The following C8orf34 variants were observed in gnomAD, a reference collection of about 807,000 sequenced individuals.
C8orf34 encodes the protein chromosome 8 open reading frame 34.
Under a neutral mutation model 68.3 loss-of-function variants are expected in C8orf34, and 65 were observed. The observed-to-expected ratio is 0.95, with a 90% confidence interval of 0.78 to 1.17. The LOEUF is 1.17. Ranked by LOEUF, C8orf34 falls within the 50% of genes most tolerant of loss-of-function variation. The pLI is 0.00. For missense variants in C8orf34, 664 were observed against 655.4 expected (o/e 1.01, Z -0.14); for synonymous variants, 244 against 241.2 (o/e 1.01, Z -0.11).
chr8:68,770,445 G>A (rs1354455488), intron 10 of C8orf34, among the ~76,000 whole-genome samples: 1 of 152,182 alleles, frequency 6.6e-6, no homozygotes, highest in African/African-American at 2.4e-5. Flanking sequence ...AATGGTAAAT[G>A]GATCTTTCTA....
intron 7 of C8orf34, among the ~76,000 whole-genome samples, chr8:68,550,573 C>CTT (rs1816031763): frequency 6.6e-6 from 1 of 151,690 alleles, no homozygotes; most frequent in Admixed American, 6.6e-5. Context: ...CTCATTTTTT[C>CTT]TTTATACAGA....
chr8:68,718,680 CTG>C (rs1336511657), intron 9 of C8orf34, among the ~76,000 whole-genome samples: 1 of 152,094 alleles, frequency 6.6e-6, no homozygotes, highest in Non-Finnish European at 1.5e-5. Flanking sequence ...ATTGGTATAA[CTG>C]TGCATAAAAA....
chr8:68,568,097 G>A (rs1459001934), intron 7 of C8orf34, among the ~76,000 whole-genome samples: 1 of 152,000 alleles, frequency 6.6e-6, no homozygotes, highest in African/African-American at 2.4e-5. Context: ...AACATTTATT[G>A]GTTAAGTTCA....
chr8:68,659,399 G>A (rs1167341215), intron 8 of C8orf34, among the ~76,000 whole-genome samples: 1 of 152,154 alleles, frequency 6.6e-6, no homozygotes, highest in Non-Finnish European at 1.5e-5. Context: ...TTAATAGGTT[G>A]TGGTGTTTTT....
chr8:68,619,379 T>G (rs1175827765), intron 7 of C8orf34, among the ~76,000 whole-genome samples: 1 of 152,086 alleles, frequency 6.6e-6, no homozygotes, highest in East Asian at 1.9e-4. Flanking sequence ...TATTGGCAGA[T>G]AAATCATGAG....
chr8:68,735,168 A>G (rs1822088954), intron 10 of C8orf34, among the ~76,000 whole-genome samples: 1 of 152,168 alleles, frequency 6.6e-6, no homozygotes, highest in South Asian at 2.1e-4. Context: ...TGGGGCACTA[A>G]TGGGATTCAA....
chr8:68,690,897 G>A (rs1352133466), intron 8 of C8orf34, among the ~76,000 whole-genome samples: 1 of 152,060 alleles, frequency 6.6e-6, no homozygotes, highest in African/African-American at 2.4e-5. Flanking sequence ...AGGCCTGTTT[G>A]TATAGAACTC....
At chr8:68,745,422 T>C (rs1822455544) in intron 10 of C8orf34, among the ~76,000 whole-genome samples, 2 of 152,136 alleles carry the variant, frequency 1.3e-5, no homozygotes, top group Non-Finnish European at 2.9e-5. Flanking sequence ...ATGCTCCAAT[T>C]AAAAGACACA....
intron 13 of C8orf34, among the ~76,000 whole-genome samples, chr8:68,817,728 A>AGTTACCCT (rs1391252745): frequency 1.6e-4 from 25 of 152,200 alleles, no homozygotes; most frequent in Non-Finnish European, 3.7e-4. Flanking sequence ...TACAAAGAAA[A>AGTTACCCT]GAGGTTTAAG....
At chr8:68,454,690 G>T (rs191095399) in intron 3 of C8orf34, among the ~76,000 whole-genome samples, 1 of 151,920 alleles carries the variant, frequency 6.6e-6, no homozygotes, top group African/African-American at 2.4e-5. Flanking sequence ...TCTTTCTAAA[G>T]AACCAACTTT....
intron 1 of C8orf34, among the ~76,000 whole-genome samples, chr8:68,361,670 C>A (rs1289138295): frequency 6.6e-6 from 1 of 152,212 alleles, no homozygotes; most frequent in East Asian, 1.9e-4. Flanking sequence ...TACTTAACTA[C>A]TTTCTGGGTT....
At chr8:68,404,999 G>T (rs563444145) in intron 1 of C8orf34, among the ~76,000 whole-genome samples, 5 of 152,258 alleles carry the variant, frequency 3.3e-5, no homozygotes, top group African/African-American at 1.2e-4. Context: ...CTATCCATGA[G>T]CGTGTAATGT....
chr8:68,387,570 TAG>T (rs1808311967), intron 1 of C8orf34, among the ~76,000 whole-genome samples: 2 of 152,214 alleles, frequency 1.3e-5, no homozygotes, highest in South Asian at 4.2e-4. Flanking sequence ...GAGAGGATGA[TAG>T]AGTCATGAAT....
Position 68,529,337 on chromosome 8 carries a change from A to G in C8orf34, c.939-3646A>G, listed in dbSNP as rs1019389492. On this transcript the variant is annotated intron_variant, in intron 6 of 13. Coordinates refer to ENST00000518698, the MANE Select transcript of C8orf34 (RefSeq NM_052958.4). The stretch of plus-strand genomic sequence containing the variant: ...CTCTGCCTTCTGAAATTCCAACCTC[A>G]AGTCTCAGCCCCCATCTTACTTGAC... Among the ~76,000 whole-genome samples, 4 of 152,282 alleles carry G rather than the reference A, an allele frequency of 2.6e-5. No homozygotes were observed. The East Asian group carries it at 5.8e-4, about 22-fold the overall frequency.
chr8:68,687,929 C>G (rs983601096), intron 8 of C8orf34, among the ~76,000 whole-genome samples: 1 of 151,288 alleles, frequency 6.6e-6, no homozygotes, highest in Non-Finnish European at 1.5e-5. Flanking sequence ...CAAAACAAAG[C>G]AAAACAAAAA....
At chr8:68,815,841 T>G in intron 12 of C8orf34, 45 bp from the exon 13 acceptor site, 1 of 1,613,354 alleles carries the variant, frequency 6.2e-7, no homozygotes, top group Non-Finnish European at 8.5e-7. Context: ...TAATCGATGA[T>G]TTTTCCTGGC....
intron 1 of C8orf34, among the ~76,000 whole-genome samples, chr8:68,373,698 AAAGT>A (rs1175225947): frequency 2.0e-5 from 3 of 152,322 alleles, no homozygotes; most frequent in Non-Finnish European, 4.4e-5. Flanking sequence ...CCAAAAAAAT[AAAGT>A]ATGTTTTCTC....
chr8:68,740,823 T>C (rs1046588306), intron 10 of C8orf34, among the ~76,000 whole-genome samples: 2 of 152,142 alleles, frequency 1.3e-5, no homozygotes, highest in Admixed American at 6.5e-5. Context: ...AGACATGGAA[T>C]CAACCTAAAT....
intron 12 of C8orf34, among the ~76,000 whole-genome samples, chr8:68,809,519 G>A (rs577642511): frequency 2.0e-5 from 3 of 152,116 alleles, no homozygotes; most frequent in African/African-American, 7.2e-5. Context: ...GTGCATGCCT[G>A]TGGTCCCAGC....
Sources: allele counts gnomAD v4.1 joint callset (sites outside exome capture counted in the v4.1 genomes callset), GRCh38; gene constraint gnomAD v4.1.1; transcripts MANE v1.5; gene names NCBI Gene and HGNC (gene_info 2026-07-23, HGNC 2026-07-21).